The following IGSF10 variants were observed in gnomAD, a reference collection of about 807,000 sequenced individuals.
IGSF10 encodes immunoglobulin superfamily member 10.
IGSF10 carries 126 observed loss-of-function variants against 128.2 expected under a neutral mutation model. That is an observed-to-expected ratio of 0.98 (90% CI 0.85 to 1.14). The LOEUF (loss-of-function observed/expected upper bound fraction) is 1.14. Among genes scored for constraint, IGSF10 ranks in the 50% most tolerant of loss-of-function variants. The probability of loss-of-function intolerance (pLI) is 0.00; values close to 1 mark genes in which losing one functional copy is unlikely to be tolerated. For synonymous variants in IGSF10, 1,185 were observed against 1,146.2 expected (o/e 1.03, Z -0.68); for missense variants, 3,295 against 3,149.8 (o/e 1.05, Z -1.10).
chr3:151,514,587 C>A, the IGSF10 span, among the ~76,000 whole-genome samples: 1 of 152,152 alleles, frequency 6.6e-6, no homozygotes, highest in Non-Finnish European at 1.5e-5. Context: ...ACACCAAAAG[C>A]AATGGCAACA....
At chr3:151,552,541 C>G in the IGSF10 span, among the ~76,000 whole-genome samples, 1,101 of 152,226 alleles carry the variant, frequency 7.2e-3, 13 homozygotes, top group African/African-American at 0.025. Flanking sequence ...CCTATGACCA[C>G]GGACATCTGG....
chr3:151,536,822 T>C, the IGSF10 span, among the ~76,000 whole-genome samples: 1 of 152,194 alleles, frequency 6.6e-6, no homozygotes, highest in Admixed American at 6.5e-5. Flanking sequence ...TCACATTAAC[T>C]ATGTGAACTA....
chr3:151,437,627 T>C lies in IGSF10; in HGVS notation c.6934A>G (p.Ile2312Val). 1 of 1,614,210 alleles carries C rather than the reference T, an allele frequency of 6.2e-7. No homozygotes were observed. The highest frequency in any genetic ancestry group is 1.3e-5 in the African/African-American group (1 of 75,052). Residue 2312 changes from isoleucine to valine, a missense_variant, in exon 8 of 8, where the codon ATC (isoleucine) becomes GTC (valine). Coordinates refer to ENST00000282466, the MANE Select transcript of IGSF10 (RefSeq NM_178822.5). ...NVRLSDSADF[I>V]CVARNEGGES... ...CCACCTTCATTTCGGGCCACACAGA[T>C]AAAGTCGGCTGAATCTGAAAGCCTC...
chr3:151,456,702 A>C (rs1056014112), intron 4 of IGSF10, among the ~76,000 whole-genome samples: 4 of 152,192 alleles, frequency 2.6e-5, no homozygotes, highest in Non-Finnish European at 5.9e-5. Flanking sequence ...GATAGTCATT[A>C]CTTTTAGGAA....
At chr3:151,508,235 A>T in the IGSF10 span, among the ~76,000 whole-genome samples, 4 of 152,226 alleles carry the variant, frequency 2.6e-5, no homozygotes, top group South Asian at 8.3e-4. Context: ...AAGGGGTAAA[A>T]AATAGATACA....
chr3:151,577,423 T>C, the IGSF10 span, among the ~76,000 whole-genome samples: 1 of 152,190 alleles, frequency 6.6e-6, no homozygotes, highest in Non-Finnish European at 1.5e-5. Flanking sequence ...AGACTAAATC[T>C]TCTCCATTTT....
chr3:151,538,671 A>T, the IGSF10 span, among the ~76,000 whole-genome samples: 3 of 152,178 alleles, frequency 2.0e-5, no homozygotes, highest in African/African-American at 7.2e-5. Flanking sequence ...CCATAAAGAA[A>T]TTTAATTTAA....
the IGSF10 span, among the ~76,000 whole-genome samples, chr3:151,515,391 T>C: frequency 1.4e-5 from 2 of 143,930 alleles, no homozygotes; most frequent in Non-Finnish European, 3.0e-5. Context: ...ACACCGCATA[T>C]TCTCACTCAT....
chr3:151,498,213 G>T, the IGSF10 span, among the ~76,000 whole-genome samples: 14 of 152,084 alleles, frequency 9.2e-5, no homozygotes, highest in Admixed American at 9.2e-4. Flanking sequence ...ACACTATGTT[G>T]AATAGGAGTG....
At position 151,447,712 on chromosome 3, in the gene IGSF10, C is replaced by T. The variant is rs756857067; in HGVS notation, c.2269G>A (p.Ala757Thr). 2 of 1,614,132 alleles carry T rather than the reference C, an allele frequency of 1.2e-6. No individual in the cohort carries two copies. The highest frequency in any genetic ancestry group is 1.7e-6 in the Non-Finnish European group (2 of 1,180,026). ...TTTTTAGCTTTCTCCAACAGTGCCGCCCAATGTTGTGGGTCAATTCTCCTA... is the reference window on the plus strand; with the variant it reads ...TTTTTAGCTTTCTCCAACAGTGCCGTCCAATGTTGTGGGTCAATTCTCCTA... Reference protein sequence around the residue: ...SARRIDPQHWAALLEKAKKNA... With the variant: ...SARRIDPQHWTALLEKAKKNA... Residue 757 changes from alanine (A) to threonine (T), a missense_variant, in exon 6 of 8, where the codon GCG becomes ACG. Ala to Thr is a moderately conservative substitution (Grantham distance 58). Coordinates refer to ENST00000282466, the MANE Select transcript of IGSF10 (RefSeq NM_178822.5).
At chr3:151,461,565 A>G, upstream of IGSF10, 1 of 369,584 alleles carries the variant, frequency 2.7e-6, no homozygotes, top group Non-Finnish European at 3.3e-6. Flanking sequence ...CATATCCATC[A>G]TCTCACATAG....
chr3:151,572,160 G>T, the IGSF10 span, among the ~76,000 whole-genome samples: 1 of 152,164 alleles, frequency 6.6e-6, no homozygotes, highest in Non-Finnish European at 1.5e-5. Context: ...ATGATCATCA[G>T]GGATATTGGT....
At chr3:151,438,877 A>G (rs1720657933) in intron 7 of IGSF10, among the ~76,000 whole-genome samples, 2 of 138,052 alleles carry the variant, frequency 1.4e-5, no homozygotes, top group Admixed American at 1.5e-4. Context: ...GAGAGAGAGA[A>G]ATGACCACGA....
the IGSF10 span, among the ~76,000 whole-genome samples, chr3:151,506,651 T>C: frequency 6.6e-6 from 1 of 152,150 alleles, no homozygotes; most frequent in Non-Finnish European, 1.5e-5. Flanking sequence ...TAGGCCTAAA[T>C]TCCTTTGGTT....
rs200770869 is a variant in IGSF10 at position 151,445,963 on chromosome 3, T to C, written c.4018A>G (p.Arg1340Gly). The change falls in exon 6 of 8, where the codon AGA becomes GGA. Residue 1340 changes from arginine (R) to glycine (G), a missense_variant. Transcript: ENST00000282466. Reference protein sequence around the residue: ...ITYETQTERSRAQTIQREQEP... With the variant: ...ITYETQTERSGAQTIQREQEP... ...TGTTCTCTTTGTATTGTTTGTGCTC[T>C]AGATCTCTCTGTTTGGGTTTCATAA... 34 of 1,614,094 alleles carry C rather than the reference T, an allele frequency of 2.1e-5. No homozygotes were observed. The highest frequency in any genetic ancestry group is 6.7e-5 in the East Asian group (3 of 44,892).
At chr3:151,606,727 A>T in the IGSF10 span, among the ~76,000 whole-genome samples, 1 of 152,216 alleles carries the variant, frequency 6.6e-6, no homozygotes, top group African/African-American at 2.4e-5. Context: ...ACATACACAC[A>T]GACGAACTGG....
the IGSF10 span, among the ~76,000 whole-genome samples, chr3:151,519,145 C>T: frequency 6.6e-6 from 1 of 151,808 alleles, no homozygotes; most frequent in Non-Finnish European, 1.5e-5. Context: ...AAACAACCAA[C>T]CACAAAAATC....
At chr3:151,514,942 G>A in the IGSF10 span, among the ~76,000 whole-genome samples, 2 of 152,254 alleles carry the variant, frequency 1.3e-5, no homozygotes, top group South Asian at 2.1e-4. Flanking sequence ...CAGTTAGAAT[G>A]GCGATCATTA....
upstream of IGSF10, among the ~76,000 whole-genome samples, chr3:151,463,552 T>TG (rs1722163748): frequency 1.1e-4 from 12 of 111,404 alleles, 1 homozygote; most frequent in Non-Finnish European, 1.4e-4. Context: ...TTTTTTTTTT[T>TG]TTTTTTTTTC....
Sources: allele counts gnomAD v4.1 joint callset (sites outside exome capture counted in the v4.1 genomes callset), GRCh38; gene constraint gnomAD v4.1.1; transcripts MANE v1.5; gene names NCBI Gene and HGNC (gene_info 2026-07-23, HGNC 2026-07-21).